Variants in KCNT2 observed in about 807,000 individuals in gnomAD.
KCNT2 encodes the protein potassium sodium-activated channel subfamily T member 2.
In KCNT2, 67 loss-of-function variants were observed where a neutral mutation model predicts 153.8. The observed-to-expected ratio is 0.44, with a 90% CI of 0.36 to 0.53. The LOEUF is 0.53. KCNT2 is among the 20% of genes least tolerant of loss of function. KCNT2 has a pLI of 0.00. For missense variants in KCNT2, 975 were observed against 1,354.8 expected (o/e 0.72, Z 4.40); for synonymous variants, 500 against 458.8 (o/e 1.09, Z -1.15).
At chr1:196,539,632 CACTTA>C (rs1441080901) in intron 1 of KCNT2, among the ~76,000 whole-genome samples, 3 of 152,046 alleles carry the variant, frequency 2.0e-5, no homozygotes, top group Non-Finnish European at 1.5e-5. Context: ...GCATTTCCCT[CACTTA>C]ACTTGACAGT....
At chr1:196,493,442 A>G (rs1367442509) in intron 1 of KCNT2, among the ~76,000 whole-genome samples, 1 of 152,084 alleles carries the variant, frequency 6.6e-6, no homozygotes, top group Non-Finnish European at 1.5e-5. Context: ...TGCATTTGAG[A>G]AATAGTTCAC....
chr1:196,280,893 G>T lies in KCNT2; in HGVS notation c.2877C>A (p.Tyr959Ter). ...SSTGDVPIGI[Y>*]RTESQKLTTS... ...TAGTAAGTTTCTGAGACTCAGTCCT[G>T]TAGATTCCAATGGGAACATCTCCAG... is the stretch of plus-strand genomic sequence containing the variant. Residue 959 changes from tyrosine to a stop codon, truncating the protein, a stop_gained, in exon 25 of 28, where the codon TAC (tyrosine) becomes TAA (stop). Coordinates refer to ENST00000294725, the MANE Select transcript of KCNT2 (RefSeq NM_198503.5). LOFTEE classifies it high-confidence loss of function. 1 of 1,611,958 alleles carries T rather than the reference G, an allele frequency of 6.2e-7. No homozygotes were observed. Among genetic ancestry groups the T allele is most frequent in the Non-Finnish European group, 8.5e-7 (1 of 1,178,230 alleles).
intron 1 of KCNT2, among the ~76,000 whole-genome samples, chr1:196,564,353 A>C (rs1659816157): frequency 6.6e-6 from 1 of 151,964 alleles, no homozygotes; most frequent in Non-Finnish European, 1.5e-5. Context: ...GAAATTGAAG[A>C]AACAAATAAA....
chr1:196,577,495 G>A (rs960147896), intron 1 of KCNT2, among the ~76,000 whole-genome samples: 9 of 152,098 alleles, frequency 5.9e-5, no homozygotes, highest in African/African-American at 1.2e-4. Flanking sequence ...AGAAGAAAGC[G>A]GCACAGATAA....
At chr1:196,480,306 G>C (rs972641170) in intron 4 of KCNT2, among the ~76,000 whole-genome samples, 9 of 151,856 alleles carry the variant, frequency 5.9e-5, no homozygotes, top group African/African-American at 1.7e-4. Context: ...TCTTCTGTTG[G>C]GATAAAAATC....
chr1:196,257,620 G>A (rs1656629594), intron 26 of KCNT2: 8 of 931,578 alleles, frequency 8.6e-6, no homozygotes, highest in Non-Finnish European at 1.0e-5. Context: ...TTTAAGCTGT[G>A]TCTATAGTGT....
At chr1:196,575,798 T>A (rs1661289150) in intron 1 of KCNT2, among the ~76,000 whole-genome samples, 1 of 151,430 alleles carries the variant, frequency 6.6e-6, no homozygotes, top group Non-Finnish European at 1.5e-5. Flanking sequence ...GCCAACATGG[T>A]GAAACCCGGT....
intron 14 of KCNT2, among the ~76,000 whole-genome samples, chr1:196,372,818 G>T (rs568408126): frequency 6.6e-6 from 1 of 151,906 alleles, no homozygotes; most frequent in African/African-American, 2.4e-5. Flanking sequence ...TTCATTTGCT[G>T]CAGAAGTATT....
intron 14 of KCNT2, among the ~76,000 whole-genome samples, chr1:196,355,164 G>C (rs11803170): frequency 0.02 from 3,081 of 151,454 alleles, 91 homozygotes; most frequent in African/African-American, 0.07. Context: ...CTGACTGTAC[G>C]GATGCAGAAT....
At chr1:196,276,856 G>A (rs1160925476) in intron 25 of KCNT2, among the ~76,000 whole-genome samples, 1 of 151,992 alleles carries the variant, frequency 6.6e-6, no homozygotes, top group Non-Finnish European at 1.5e-5. Context: ...TACCTTGTAT[G>A]TGACCTATCG....
chr1:196,319,430 T>TG (rs1289599188), intron 20 of KCNT2, 54 bp downstream of exon 20: 1 of 1,255,176 alleles, frequency 8.0e-7, no homozygotes, highest in Non-Finnish European at 1.2e-6. Flanking sequence ...GCACAGCACA[T>TG]GACAAACCAC....
chr1:196,443,659 C>T (rs1320321089), intron 8 of KCNT2, among the ~76,000 whole-genome samples: 1 of 151,544 alleles, frequency 6.6e-6, no homozygotes, highest in Non-Finnish European at 1.5e-5. Context: ...AAAAGGTTCC[C>T]TAAAGCGTTA....
intron 23 of KCNT2, 22 bp downstream of exon 23, chr1:196,285,635 A>C (rs1435356368): frequency 7.0e-7 from 1 of 1,422,196 alleles, no homozygotes; most frequent in African/African-American, 1.4e-5. Flanking sequence ...TTTTAGAGAA[A>C]ATAAAAAGAA....
At chr1:196,484,284 C>G (rs1031086079) in intron 3 of KCNT2, among the ~76,000 whole-genome samples, 2 of 151,552 alleles carry the variant, frequency 1.3e-5, no homozygotes, top group African/African-American at 4.9e-5. Flanking sequence ...TGATGTTGAG[C>G]TTTTTTTCAA....
At chr1:196,518,178 G>A (rs992253913) in intron 1 of KCNT2, among the ~76,000 whole-genome samples, 2 of 152,104 alleles carry the variant, frequency 1.3e-5, no homozygotes, top group African/African-American at 4.8e-5. Flanking sequence ...AGCTTTCTCA[G>A]AAAAGAAGAA....
intron 8 of KCNT2, among the ~76,000 whole-genome samples, chr1:196,439,281 T>A (rs1572457245): frequency 6.6e-6 from 1 of 151,992 alleles, no homozygotes; most frequent in South Asian, 2.1e-4. Context: ...AAAATTCAGG[T>A]AAATACGTGT....
intron 22 of KCNT2, among the ~76,000 whole-genome samples, chr1:196,303,290 T>A (rs1558122157): frequency 6.6e-6 from 1 of 152,214 alleles, no homozygotes; most frequent in Non-Finnish European, 1.5e-5. Context: ...TTTGGGAGTT[T>A]AGCCTAGATA....
At chr1:196,511,253 A>G (rs1364529602) in intron 1 of KCNT2, among the ~76,000 whole-genome samples, 1 of 152,072 alleles carries the variant, frequency 6.6e-6, no homozygotes, top group Non-Finnish European at 1.5e-5. Flanking sequence ...CTATCACTGA[A>G]GCTACTGTTC....
chr1:196,228,412 T>G, intron 27 of KCNT2, 77 bp from the exon 28 acceptor site: 1 of 731,770 alleles, frequency 1.4e-6, no homozygotes, highest in East Asian at 2.7e-5. Flanking sequence ...CACTTCATAT[T>G]TCTAATTTAT....
Sources: allele counts gnomAD v4.1 joint callset (sites outside exome capture counted in the v4.1 genomes callset), GRCh38; gene constraint gnomAD v4.1.1; transcripts MANE v1.5; gene names NCBI Gene and HGNC (gene_info 2026-07-23, HGNC 2026-07-21).